Variants in C8orf34 observed in about 807,000 individuals in gnomAD.
C8orf34 encodes the protein chromosome 8 open reading frame 34.
In C8orf34, 65 loss-of-function variants were observed where a neutral mutation model predicts 68.3. The ratio of observed to expected loss-of-function variants is 0.95; its 90% CI spans 0.78 to 1.17. The LOEUF (loss-of-function observed/expected upper bound fraction) is 1.17, where lower values mean the gene tolerates loss of function less well. Among genes scored for constraint, C8orf34 ranks in the 50% most tolerant of loss-of-function variants. The probability of loss-of-function intolerance (pLI) is 0.00; values close to 1 mark genes in which losing one functional copy is unlikely to be tolerated. For synonymous variants in C8orf34, 244 were observed against 241.2 expected (o/e 1.01, Z -0.11); for missense variants, 664 against 655.4 (o/e 1.01, Z -0.14).
chr8:68,684,890 A>G (rs1264992719), intron 8 of C8orf34, among the ~76,000 whole-genome samples: 1 of 152,066 alleles, frequency 6.6e-6, no homozygotes, highest in Non-Finnish European at 1.5e-5. Flanking sequence ...GTGTGGTAAA[A>G]GGAAAATTAT....
intron 11 of C8orf34, among the ~76,000 whole-genome samples, chr8:68,778,133 A>T (rs1823574745): frequency 1.3e-5 from 2 of 152,226 alleles, no homozygotes; most frequent in African/African-American, 4.8e-5. Flanking sequence ...ATATATATGT[A>T]CTTAAACTCT....
At chr8:68,542,516 T>C (rs1815735004) in intron 7 of C8orf34, among the ~76,000 whole-genome samples, 1 of 152,180 alleles carries the variant, frequency 6.6e-6, no homozygotes, top group African/African-American at 2.4e-5. Flanking sequence ...GAGTTCTACA[T>C]CTTGGTGGCT....
chr8:68,706,980 T>C (rs999849585), intron 8 of C8orf34, among the ~76,000 whole-genome samples: 24 of 152,190 alleles, frequency 1.6e-4, no homozygotes, highest in Admixed American at 4.6e-4. Flanking sequence ...GGGCTGAAAA[T>C]ATAAGGGAGT....
At chr8:68,582,522 T>A (rs1391771441) in intron 7 of C8orf34, among the ~76,000 whole-genome samples, 3 of 152,114 alleles carry the variant, frequency 2.0e-5, no homozygotes, top group Middle Eastern at 3.4e-3. Flanking sequence ...CTTGGAGAAG[T>A]AGAATTCTGG....
At chr8:68,686,205 A>T (rs1820513926) in intron 8 of C8orf34, among the ~76,000 whole-genome samples, 2 of 152,210 alleles carry the variant, frequency 1.3e-5, no homozygotes, top group South Asian at 4.1e-4. Flanking sequence ...ATTCTACCAG[A>T]TATTCAAAGA....
At chr8:68,701,887 T>G (rs544424273) in intron 8 of C8orf34, among the ~76,000 whole-genome samples, 1 of 152,102 alleles carries the variant, frequency 6.6e-6, no homozygotes, top group South Asian at 2.1e-4. Context: ...CTCCCTGTAA[T>G]GCTCTTTCCC....
chr8:68,413,308 C>G (rs1809523478), intron 1 of C8orf34, among the ~76,000 whole-genome samples: 1 of 152,224 alleles, frequency 6.6e-6, no homozygotes, highest in South Asian at 2.1e-4. Flanking sequence ...AAGAGGAAAT[C>G]TGCAGACAAA....
At chr8:68,559,872 G>T (rs146124355) in intron 7 of C8orf34, among the ~76,000 whole-genome samples, 4 of 152,246 alleles carry the variant, frequency 2.6e-5, no homozygotes, top group African/African-American at 9.6e-5. Flanking sequence ...TAGAAGTGTG[G>T]GCTGTGAATA....
intron 3 of C8orf34, among the ~76,000 whole-genome samples, chr8:68,454,212 T>C (rs1247855695): frequency 6.6e-6 from 1 of 152,084 alleles, no homozygotes; most frequent in Non-Finnish European, 1.5e-5. Context: ...ATAAAAGATA[T>C]TGGTCTGTAA....
intron 2 of C8orf34, among the ~76,000 whole-genome samples, chr8:68,444,427 T>G (rs1250052819): frequency 6.6e-6 from 1 of 152,124 alleles, no homozygotes; most frequent in Non-Finnish European, 1.5e-5. Context: ...AAAACTATGA[T>G]TACCTCTCCA....
At chr8:68,411,141 G>T (rs1185558922) in intron 1 of C8orf34, among the ~76,000 whole-genome samples, 1 of 152,090 alleles carries the variant, frequency 6.6e-6, no homozygotes, top group Non-Finnish European at 1.5e-5. Context: ...TTTAGTAGAA[G>T]TTTGGAGCAT....
intron 3 of C8orf34, among the ~76,000 whole-genome samples, chr8:68,453,508 C>T (rs186588726): frequency 1.3e-5 from 2 of 151,928 alleles, no homozygotes; most frequent in African/African-American, 2.4e-5. Flanking sequence ...AAATTTATTC[C>T]AGAGGATCTT....
At chr8:68,552,587 T>A (rs1025928488) in intron 7 of C8orf34, among the ~76,000 whole-genome samples, 1 of 152,148 alleles carries the variant, frequency 6.6e-6, no homozygotes, top group Non-Finnish European at 1.5e-5. Flanking sequence ...TTTTAGTGGT[T>A]ATTTAGGATT....
chr8:68,597,361 G>A (rs1817574929), intron 7 of C8orf34, among the ~76,000 whole-genome samples: 1 of 152,014 alleles, frequency 6.6e-6, no homozygotes, highest in Non-Finnish European at 1.5e-5. Flanking sequence ...ATGAAGTAAG[G>A]TGTTACTTAT....
intron 2 of C8orf34, among the ~76,000 whole-genome samples, chr8:68,440,586 A>G (rs1267079807): frequency 6.6e-6 from 1 of 152,156 alleles, no homozygotes; most frequent in East Asian, 1.9e-4. Context: ...TGGCACAAAA[A>G]GAAGAAACTC....
At position 68,667,237 on chromosome 8, in the gene C8orf34, G is replaced by A. The variant is rs144862878; in HGVS notation, c.1241+26726G>A. Among the ~76,000 whole-genome samples, 721 of 152,186 alleles carry A rather than the reference G, an allele frequency of 4.7e-3. 4 individuals are homozygous for A. The highest frequency in any genetic ancestry group is 0.016 in the African/African-American group (684 of 41,504). On this transcript the variant is annotated intron_variant, in intron 8 of 13. Transcript: ENST00000518698. ...GTATATTACTTAATGTTTATCAAAT[G>A]CCTGTATGCTAGAAAAGTAAAGGCT...
intron 1 of C8orf34, among the ~76,000 whole-genome samples, chr8:68,374,363 C>T (rs1407904714): frequency 6.6e-6 from 1 of 152,112 alleles, no homozygotes; most frequent in East Asian, 1.9e-4. Context: ...TTCAGCTTCT[C>T]CTCTCATTAA....
At chr8:68,620,294 A>G (rs1434923) in intron 7 of C8orf34, among the ~76,000 whole-genome samples, 35,249 of 152,154 alleles carry the variant, frequency 0.23, 4,747 homozygotes, top group African/African-American at 0.38. Context: ...ACCTCACACC[A>G]GAGGGTGTGG....
intron 1 of C8orf34, among the ~76,000 whole-genome samples, chr8:68,379,474 G>T (rs1807941658): frequency 6.6e-6 from 1 of 152,318 alleles, no homozygotes; most frequent in East Asian, 1.9e-4. Context: ...CTCCACAGCA[G>T]CGCTGACTGA....
Sources: gnomAD v4.1 joint callset for allele counts (sites outside exome capture counted in the v4.1 genomes callset) on GRCh38, gnomAD v4.1.1 for gene constraint, MANE v1.5 for transcripts, NCBI Gene and HGNC (gene_info 2026-07-23, HGNC 2026-07-21) for gene names.